The following ITGB6 variants were observed in gnomAD, a reference collection of about 807,000 sequenced individuals.
ITGB6 encodes integrin beta-6.
Under a neutral mutation model 84.5 loss-of-function variants are expected in ITGB6, and 80 were observed. That is an observed-to-expected ratio of 0.95 (90% CI 0.79 to 1.14). The LOEUF is 1.14. Ranked by LOEUF, ITGB6 falls within the 50% of genes most tolerant of loss-of-function variation. The probability of loss-of-function intolerance (pLI) is 0.00; values close to 1 mark genes in which losing one functional copy is unlikely to be tolerated. For missense variants in ITGB6, 1,006 were observed against 968.0 expected (o/e 1.04, Z -0.52); for synonymous variants, 383 against 354.9 (o/e 1.08, Z -0.89).
Position 160,172,629 on chromosome 2 carries a change from A to C in ITGB6, c.861T>G (p.Ile287Met). 6.2e-7 allele frequency: 1 copy of C among 1,612,212 alleles called. No individual in the cohort carries two copies. Among genetic ancestry groups the C allele is most frequent in the Non-Finnish European group, 8.5e-7 (1 of 1,178,426 alleles). Residue 287 changes from isoleucine (I) to methionine (M), a missense_variant, in exon 6 of 15, where the codon ATT (isoleucine) becomes ATG (methionine). Physicochemically the swap from Ile to Met is conservative, Grantham distance 10. Coordinates refer to ENST00000283249, the MANE Select transcript of ITGB6 (RefSeq NM_000888.5). The part of the protein sequence containing the change: ...GMDSKLAGIV[I>M]PNDGLCHLDS... ...CCAAGTGACAGAGCCCGTCATTAGGAATGACGATGCCTGCTAGTTTGCTGT... is the reference window on the plus strand; with the variant it reads ...CCAAGTGACAGAGCCCGTCATTAGGCATGACGATGCCTGCTAGTTTGCTGT...
Position 160,147,489 on chromosome 2 carries a change from G to C in ITGB6, c.1018-5418C>G, listed in dbSNP as rs565600925. Among the ~76,000 whole-genome samples, 71 of 152,292 alleles carry C rather than the reference G, an allele frequency of 4.7e-4. 1 individual carries two copies. Among genetic ancestry groups the C allele is most frequent in the Middle Eastern group, 3.4e-3 (1 of 294 alleles). ...TGGATATGAACAAACTGATTCTAAAGTTTCTATGGAAAGGCAAATGATCCA... is the reference window on the plus strand; with the variant it reads ...TGGATATGAACAAACTGATTCTAAACTTTCTATGGAAAGGCAAATGATCCA... On this transcript the variant is annotated intron_variant, in intron 7 of 14. Coordinates refer to ENST00000283249, the MANE Select transcript of ITGB6 (RefSeq NM_000888.5).
intron 14 of ITGB6, among the ~76,000 whole-genome samples, chr2:160,104,721 G>A (rs900623486): frequency 1.3e-5 from 2 of 152,142 alleles, no homozygotes; most frequent in African/African-American, 4.8e-5. Flanking sequence ...TTAATGACTT[G>A]TCATCCTAGA....
Position 160,112,175 on chromosome 2 carries a change from G to A in ITGB6, c.2006C>T (p.Ser669Phe). 1 of 1,612,438 alleles carries A rather than the reference G, an allele frequency of 6.2e-7. No individual in the cohort carries two copies. Among genetic ancestry groups the A allele is most frequent in the Non-Finnish European group, 8.5e-7 (1 of 1,178,922 alleles). ...EEDFSKDGSV[S>F]CSLQGENECL... ...TTCATTTTCTCCTTGCAGAGAGCAG[G>A]AAACAGAACCATCCTTTGAGAAATC... Residue 669 changes from serine (S) to phenylalanine (F), a missense_variant, in exon 13 of 15, where the codon TCC becomes TTC. Coordinates refer to ENST00000283249, the MANE Select transcript of ITGB6 (RefSeq NM_000888.5).
At chr2:160,176,574 G>T (rs1452668559) in intron 4 of ITGB6, among the ~76,000 whole-genome samples, 2 of 152,156 alleles carry the variant, frequency 1.3e-5, no homozygotes, top group African/African-American at 4.8e-5. Flanking sequence ...TACCTAGCAG[G>T]ATTGTCATGA....
chr2:160,133,881 G>GA (rs1299428479), intron 10 of ITGB6, among the ~76,000 whole-genome samples: 15 of 152,066 alleles, frequency 9.9e-5, no homozygotes, highest in African/African-American at 3.6e-4. Context: ...CAACATACCA[G>GA]AATCTCTGGG....
At chr2:160,106,834 C>T (rs1050572136) in intron 14 of ITGB6, among the ~76,000 whole-genome samples, 11 of 152,238 alleles carry the variant, frequency 7.2e-5, no homozygotes, top group East Asian at 3.9e-4. Flanking sequence ...ATTATTTGGG[C>T]GGACAAATCC....
chr2:160,143,776 T>C (rs1180608530), intron 7 of ITGB6, among the ~76,000 whole-genome samples: 1 of 152,112 alleles, frequency 6.6e-6, no homozygotes, highest in Non-Finnish European at 1.5e-5. Flanking sequence ...ATTATAATAG[T>C]GATACTAAGA....
At chr2:160,190,894 T>C (rs1686115927) in intron 4 of ITGB6, among the ~76,000 whole-genome samples, 1 of 152,214 alleles carries the variant, frequency 6.6e-6, no homozygotes. Flanking sequence ...ACATCGTACC[T>C]GATCTGTGAC....
At chr2:160,149,484 C>T (rs1684330988) in intron 7 of ITGB6, among the ~76,000 whole-genome samples, 1 of 152,090 alleles carries the variant, frequency 6.6e-6, no homozygotes, top group African/African-American at 2.4e-5. Context: ...TAGATTAAAT[C>T]ACAAAGATGG....
intron 4 of ITGB6, among the ~76,000 whole-genome samples, chr2:160,180,073 A>G (rs1685601518): frequency 6.7e-6 from 1 of 149,584 alleles, no homozygotes; most frequent in Non-Finnish European, 1.5e-5. Context: ...AGATCATGCC[A>G]TTGCACTCTA....
intron 11 of ITGB6, among the ~76,000 whole-genome samples, chr2:160,124,408 T>C (rs1024185186): frequency 3.3e-5 from 5 of 152,188 alleles, no homozygotes; most frequent in African/African-American, 1.2e-4. Flanking sequence ...TTAATGAAGG[T>C]GTGGATTAGA....
chr2:160,138,059 A>ACTTACTG lies in ITGB6; in HGVS notation c.1241_1242+5dup. ...TATTCAGACTATCTACTGGCCAGCT[A>ACTTACTG]CTTACTGTGTCTCCCACTTTCATGT... On this transcript the variant is annotated splice_donor_region_variant and intron_variant, in intron 9 of 14. Coordinates refer to ENST00000283249, the MANE Select transcript of ITGB6 (RefSeq NM_000888.5). 6.2e-7 allele frequency: 1 copy of ACTTACTG among 1,610,444 alleles called. No homozygotes were observed. The highest frequency in any genetic ancestry group is 8.5e-7 in the Non-Finnish European group (1 of 1,178,598).
chr2:160,143,441 G>C (rs146184330), intron 7 of ITGB6, among the ~76,000 whole-genome samples: 80 of 152,090 alleles, frequency 5.3e-4, no homozygotes, highest in African/African-American at 1.8e-3. Flanking sequence ...CTTCTCCTTG[G>C]TGAGCTCTAA....
Position 160,190,355 on chromosome 2 carries a change from TA to T in ITGB6, c.593+5013del, listed in dbSNP as rs953349227. On this transcript the variant is annotated intron_variant, in intron 4 of 14. Transcript: ENST00000283249. Reference sequence around the variant, plus strand: ...TGTACCCTAAAACTTAAAGTATAATTAAAAAAAAAACACTCTTTGTGATTGG... The same window carrying T: ...TGTACCCTAAAACTTAAAGTATAATTAAAAAAAAACACTCTTTGTGATTGG... Among the ~76,000 whole-genome samples the T allele has an allele frequency of 1.4e-4, 20 of 147,650 alleles. 1 individual carries two copies. The highest frequency in any genetic ancestry group is 4.0e-4 in the East Asian group (2 of 5,056).
At chr2:160,173,904 T>C in intron 5 of ITGB6, 70 bp downstream of exon 5, 5 of 1,335,246 alleles carry the variant, frequency 3.7e-6, no homozygotes, top group Non-Finnish European at 5.1e-6. Flanking sequence ...GCTAATCTTT[T>C]TGAAGTAGAA....
At chr2:160,169,517 G>A (rs1685127684) in intron 6 of ITGB6, among the ~76,000 whole-genome samples, 1 of 152,118 alleles carries the variant, frequency 6.6e-6, no homozygotes, top group Admixed American at 6.6e-5. Flanking sequence ...ATCCAGTCAA[G>A]TCCTAAGAGT....
chr2:160,123,990 G>A (rs1162289328), intron 11 of ITGB6, 102 bp from the exon 12 acceptor site: 1 of 740,710 alleles, frequency 1.4e-6, no homozygotes, highest in Non-Finnish European at 2.3e-6. Flanking sequence ...TGCTATAGGA[G>A]TATGTCATAG....
chr2:160,112,310 G>C, intron 12 of ITGB6, 111 bp from the exon 13 acceptor site: 1 of 1,032,928 alleles, frequency 9.7e-7, no homozygotes, highest in South Asian at 1.5e-5. Context: ...CAATATTGCA[G>C]AATGAGAATA....
In ITGB6 at chr2:160,137,608, T is replaced by C; in HGVS notation, c.1486A>G (p.Met496Val). Residue 496 changes from methionine to valine, a missense_variant, in exon 10 of 15, where the codon ATG (methionine) becomes GTG (valine). Coordinates refer to ENST00000283249, the MANE Select transcript of ITGB6 (RefSeq NM_000888.5). ...MGPRCECGED[M>V]LSTDSCKEAP... Reference sequence around the variant, plus strand: ...TCCTTGCAGGAATCTGTGCTCAGCATGTCCTCGCCACACTCACAGCGAGGC... The same window carrying C: ...TCCTTGCAGGAATCTGTGCTCAGCACGTCCTCGCCACACTCACAGCGAGGC... The C allele has an allele frequency of 6.2e-7, 1 of 1,614,242 alleles. No homozygotes were observed. The highest frequency in any genetic ancestry group is 8.5e-7 in the Non-Finnish European group (1 of 1,180,030).
Sources: allele counts gnomAD v4.1 joint callset (sites outside exome capture counted in the v4.1 genomes callset), GRCh38; gene constraint gnomAD v4.1.1; transcripts MANE v1.5; gene names NCBI Gene and HGNC (gene_info 2026-07-23, HGNC 2026-07-21).